ACAT1: variants seen among roughly 807,000 people sequenced by gnomAD.
ACAT1 encodes acetyl-CoA acetyltransferase 1.
ACAT1 carries 28 observed loss-of-function variants against 47.3 expected under a neutral mutation model. The observed-to-expected ratio is 0.59, with a 90% CI of 0.44 to 0.81. The LOEUF (loss-of-function observed/expected upper bound fraction) is 0.81, where lower values mean the gene tolerates loss of function less well. ACAT1 is among the 30% of genes least tolerant of loss of function. The pLI is 0.00. For synonymous variants in ACAT1, 181 were observed against 173.6 expected (o/e 1.04, Z -0.34); for missense variants, 469 against 524.3 (o/e 0.89, Z 1.03).
chr11:108,127,524 T>C (rs1306087941), intron 1 of ACAT1, among the ~76,000 whole-genome samples: 2 of 152,154 alleles, frequency 1.3e-5, no homozygotes, highest in Non-Finnish European at 2.9e-5. Context: ...TGCCTTGGCC[T>C]CCCAAAGTGC....
chr11:108,127,008 G>C (rs1332119632), intron 1 of ACAT1, among the ~76,000 whole-genome samples: 1 of 151,590 alleles, frequency 6.6e-6, no homozygotes, highest in Non-Finnish European at 1.5e-5. Context: ...GGTAGAGACG[G>C]GGTTTCAGCA....
At chr11:108,134,401 T>C in intron 4 of ACAT1, 85 bp downstream of exon 4, 1 of 1,065,080 alleles carries the variant, frequency 9.4e-7, no homozygotes, top group Admixed American at 1.8e-5. Context: ...TCCCAGCACT[T>C]TGGGAGGCCG....
rs2077492078 is a variant in ACAT1 at position 108,137,611 on chromosome 11, A to C, written c.436-1287A>C. The stretch of plus-strand genomic sequence containing the variant: ...ACTTCTAATCTTCTAGAGCACATTA[A>C]ATTTTTAGCAGCATGAATGAAATGA... On this transcript the variant is annotated intron_variant, in intron 5 of 11. Transcript: ENST00000265838. Among the ~76,000 whole-genome samples, 3 of 152,272 alleles carry C rather than the reference A, an allele frequency of 2.0e-5. No homozygotes were observed. In the South Asian group the frequency reaches 6.2e-4, roughly 32 times the overall value.
chr11:108,140,098 A>G lies in ACAT1; in HGVS notation c.613A>G (p.Asn205Asp), dbSNP rs748135542. 41 of 1,614,024 alleles carry G rather than the reference A, an allele frequency of 2.5e-5. No homozygotes were observed. Among genetic ancestry groups the G allele is most frequent in the Non-Finnish European group, 3.5e-5 (41 of 1,179,980 alleles). The change falls in exon 7 of 12, where the codon AAT (asparagine) becomes GAT (aspartate). Residue 205 changes from asparagine to aspartate, a missense_variant. Transcript: ENST00000265838. ...SCAENTAKKL[N>D]IARNEQDAYA... ...TGCTGAGAATACAGCAAAGAAGCTG[A>G]ATATTGCACGAAATGAACAGGACGC...
rs2077741217 is a variant in ACAT1 at position 108,147,357 on chromosome 11, A to AGGT, written c.1253_1255dup (p.Gly418dup). ...TTGCCAGTATTTGCAATGGAGGAGG[A>AGGT]GGTGCTTCTGCCATGCTAATTCAGA... On this transcript the variant is annotated inframe_insertion, in exon 12 of 12. Coordinates refer to ENST00000265838, the MANE Select transcript of ACAT1 (RefSeq NM_000019.4). 1 of 1,613,836 alleles carries AGGT rather than the reference A, an allele frequency of 6.2e-7. No individual in the cohort carries two copies. Among genetic ancestry groups the AGGT allele is most frequent in the Non-Finnish European group, 8.5e-7 (1 of 1,179,854 alleles).
intron 1 of ACAT1, among the ~76,000 whole-genome samples, chr11:108,126,165 G>A (rs2077243949): frequency 6.6e-6 from 1 of 151,976 alleles, no homozygotes; most frequent in South Asian, 2.1e-4. Context: ...CCCACACCTG[G>A]CTAATTTTTG....
chr11:108,130,931 G>A (rs1024955897), intron 1 of ACAT1, among the ~76,000 whole-genome samples: 1 of 152,018 alleles, frequency 6.6e-6, no homozygotes. Context: ...TGTATTTTTA[G>A]TAGAGACGGG....
upstream of ACAT1, among the ~76,000 whole-genome samples, chr11:108,119,901 T>C (rs553107833): frequency 6.6e-4 from 100 of 152,140 alleles, no homozygotes; most frequent in Middle Eastern, 3.4e-3. Flanking sequence ...ATGGGGAAAT[T>C]AAAGACAGGG....
Position 108,147,497 on chromosome 11 carries a change from T to TATTA in ACAT1, c.*108_*111dup. The stretch of plus-strand genomic sequence containing the variant: ...TATTCAGATAAGCTGTTTCATTTTT[T>TATTA]ATTATTTTCTATGTTAACTTTTAAA... On this transcript the variant is annotated 3_prime_UTR_variant, in exon 12 of 12. Transcript: ENST00000265838. 2 of 1,362,556 alleles carry TATTA rather than the reference T, an allele frequency of 1.5e-6. No individual in the cohort carries two copies. The highest frequency in any genetic ancestry group is 2.4e-5 in the East Asian group (1 of 41,892). 84.4% of individuals were successfully genotyped at this position (1,362,556 alleles called of 1,614,324 possible).
Position 108,131,595 on chromosome 11 carries a change from G to A in ACAT1, c.73-312G>A, listed in dbSNP as rs553645943. Among the ~76,000 whole-genome samples the A allele has an allele frequency of 1.1e-3, 160 of 151,736 alleles. 5 individuals carry two copies. The South Asian group carries it at 0.029, about 27-fold the overall frequency. Reference sequence around the variant, plus strand: ...TTGAACTCCTGACCTCAGGTGATCCGTCCACCTTGGCCTCCCAAAATGCTA... The same window carrying A: ...TTGAACTCCTGACCTCAGGTGATCCATCCACCTTGGCCTCCCAAAATGCTA... On this transcript the variant is annotated intron_variant, in intron 1 of 11. Coordinates refer to ENST00000265838, the MANE Select transcript of ACAT1 (RefSeq NM_000019.4).
At chr11:108,133,294 G>C (rs1463516553) in intron 2 of ACAT1, among the ~76,000 whole-genome samples, 1 of 152,020 alleles carries the variant, frequency 6.6e-6, no homozygotes, top group Admixed American at 6.6e-5. Flanking sequence ...TTTCAGTAAG[G>C]GACCCTCTTA....
At chr11:108,142,694 G>A (rs1477075254) in intron 9 of ACAT1, 144 bp downstream of exon 9, 4 of 675,638 alleles carry the variant, frequency 5.9e-6, no homozygotes, top group Non-Finnish European at 8.0e-6. Context: ...AAAATTAGCT[G>A]AGCATGGTGG....
chr11:108,131,717 T>G (rs2077362706), intron 1 of ACAT1, among the ~76,000 whole-genome samples, 190 bp from the exon 2 acceptor site: 1 of 152,022 alleles, frequency 6.6e-6, no homozygotes, highest in Admixed American at 6.6e-5. Flanking sequence ...GAATAGTTAA[T>G]TAGAAAAGTT....
intron 11 of ACAT1, 148 bp downstream of exon 11, chr11:108,146,507 C>G: frequency 1.3e-6 from 1 of 786,110 alleles, no homozygotes; most frequent in Non-Finnish European, 2.1e-6. Context: ...TAGATGGTAT[C>G]CAATACTGAA....
chr11:108,127,059 G>GC (rs753486742), intron 1 of ACAT1, among the ~76,000 whole-genome samples: 4 of 151,450 alleles, frequency 2.6e-5, no homozygotes, highest in African/African-American at 4.9e-5. Context: ...CTCGTGATCC[G>GC]CCCCCCTCGG....
upstream of ACAT1, among the ~76,000 whole-genome samples, chr11:108,120,504 G>A (rs571572937): frequency 6.6e-6 from 1 of 151,280 alleles, no homozygotes; most frequent in Admixed American, 6.6e-5. Context: ...TTGCACCACT[G>A]TACTCCAGAC....
intron 1 of ACAT1, among the ~76,000 whole-genome samples, chr11:108,126,293 A>G (rs2077246647): frequency 6.6e-6 from 1 of 152,160 alleles, no homozygotes; most frequent in African/African-American, 2.4e-5. Context: ...ATGAGCCACT[A>G]GGCCCGGCCT....
intron 1 of ACAT1, among the ~76,000 whole-genome samples, chr11:108,130,137 A>G (rs1188658409): frequency 6.6e-6 from 1 of 151,934 alleles, no homozygotes; most frequent in Non-Finnish European, 1.5e-5. Flanking sequence ...TTTCTGTGGC[A>G]TTGGCTGGTC....
chr11:108,118,548 G>A (rs1864995342), upstream of ACAT1, among the ~76,000 whole-genome samples: 1 of 151,966 alleles, frequency 6.6e-6, no homozygotes, highest in Admixed American at 6.6e-5. Flanking sequence ...CTAATTTTTT[G>A]TATTTTTAGT....
Sources: allele counts gnomAD v4.1 joint callset (sites outside exome capture counted in the v4.1 genomes callset), GRCh38; gene constraint gnomAD v4.1.1; transcripts MANE v1.5; gene names NCBI Gene and HGNC (gene_info 2026-07-23, HGNC 2026-07-21).